The following NUP205 variants were observed in gnomAD, a reference collection of about 807,000 sequenced individuals.
The protein encoded by NUP205 is nucleoporin 205.
In NUP205, 76 loss-of-function variants were observed where a neutral mutation model predicts 253.8. The ratio of observed to expected loss-of-function variants is 0.30; its 90% CI spans 0.25 to 0.36. The LOEUF (loss-of-function observed/expected upper bound fraction) is 0.36, where lower values mean the gene tolerates loss of function less well. Ranked by LOEUF, NUP205 falls within the 10% of genes least tolerant of loss-of-function variation. NUP205 has a pLI of 1.00. For missense variants in NUP205, 2,162 were observed against 2,425.5 expected (o/e 0.89, Z 2.28); for synonymous variants, 832 against 850.1 (o/e 0.98, Z 0.37).
At chr7:135,594,094 A>G (rs1262922870) in intron 12 of NUP205, among the ~76,000 whole-genome samples, 1 of 152,194 alleles carries the variant, frequency 6.6e-6, no homozygotes, top group African/African-American at 2.4e-5. Flanking sequence ...AAATATGTAT[A>G]GTTATTACAT....
At chr7:135,588,755 G>A (rs536909732) in intron 10 of NUP205, among the ~76,000 whole-genome samples, 4 of 151,302 alleles carry the variant, frequency 2.6e-5, no homozygotes, top group African/African-American at 9.7e-5. Context: ...TTCAAGTTTG[G>A]GAGGATAGGA....
intron 36 of NUP205, among the ~76,000 whole-genome samples, chr7:135,636,955 G>A (rs1794821396): frequency 6.6e-6 from 1 of 152,196 alleles, no homozygotes; most frequent in African/African-American, 2.4e-5. Flanking sequence ...GCAGTGAGCT[G>A]AGATCAGACC....
chr7:135,573,243 A>C (rs370245855), intron 2 of NUP205, among the ~76,000 whole-genome samples: 64 of 152,300 alleles, frequency 4.2e-4, no homozygotes, highest in African/African-American at 1.5e-3. Context: ...AGGAAATAAG[A>C]CTACATTTTA....
At chr7:135,610,439 C>G (rs1794199808) in intron 22 of NUP205, among the ~76,000 whole-genome samples, 1 of 152,156 alleles carries the variant, frequency 6.6e-6, no homozygotes, top group Non-Finnish European at 1.5e-5. Context: ...AGGCTGGTCT[C>G]AAACTCCTGA....
intron 1 of NUP205, among the ~76,000 whole-genome samples, chr7:135,567,298 T>G (rs897898407): frequency 6.7e-6 from 1 of 148,322 alleles, no homozygotes; most frequent in African/African-American, 2.5e-5. Context: ...AATTTTTTTT[T>G]CAGGCTGGGT....
intron 37 of NUP205, 89 bp from the exon 38 acceptor site, chr7:135,638,468 G>T: frequency 8.8e-6 from 9 of 1,018,080 alleles, no homozygotes; most frequent in South Asian, 1.4e-5. Context: ...CAAATTGATT[G>T]ATAACCTTTT....
Position 135,600,852 on chromosome 7 carries a change from A to G in NUP205, c.2275-18A>G. 4.0e-6 allele frequency: 6 copies of G among 1,509,492 alleles called. No individual in the cohort carries two copies. The highest frequency in any genetic ancestry group is 2.7e-5 in the African/African-American group (2 of 72,976). 93.5% of individuals were successfully genotyped at this position (1,509,492 alleles called of 1,614,324 possible). A position where few individuals can be genotyped will look rare whatever the true frequency, so the allele number is the denominator to read the frequency against. ...TGGTCTGTTTTATTGTTATTGACCT[A>G]TTTATATCTTTCTATAGTGGGAAGT... On this transcript the variant is annotated intron_variant, in intron 15 of 42. Transcript: ENST00000285968.
chr7:135,567,231 A>G (rs1196313975), intron 1 of NUP205, among the ~76,000 whole-genome samples: 1 of 135,384 alleles, frequency 7.4e-6, no homozygotes, highest in East Asian at 2.2e-4. Flanking sequence ...AAGTATGAAT[A>G]AATAATCCAT....
chr7:135,579,365 T>C (rs1806244376), intron 7 of NUP205, among the ~76,000 whole-genome samples: 1 of 151,930 alleles, frequency 6.6e-6, no homozygotes, highest in African/African-American at 2.4e-5. Context: ...TGGCTAATTG[T>C]GTATTTTTAG....
At chr7:135,631,585 A>T (rs1794713989) in intron 35 of NUP205, among the ~76,000 whole-genome samples, 1 of 152,060 alleles carries the variant, frequency 6.6e-6, no homozygotes, top group African/African-American at 2.4e-5. Context: ...GTTTTGTAAC[A>T]TTTACATCTG....
chr7:135,634,224 G>A (rs1430022124), intron 35 of NUP205, among the ~76,000 whole-genome samples: 1 of 152,134 alleles, frequency 6.6e-6, no homozygotes, highest in African/African-American at 2.4e-5. Flanking sequence ...ACCATGCCCA[G>A]CTGGCTCACA....
At chr7:135,603,441 C>A (rs578014005) in intron 18 of NUP205, among the ~76,000 whole-genome samples, 1 of 151,468 alleles carries the variant, frequency 6.6e-6, no homozygotes, top group East Asian at 2.0e-4. Flanking sequence ...CTTTAGCTAC[C>A]CTGATTTTAA....
rs186228596 is a variant in NUP205, at chr7:135,590,261, G to A, written c.1474-1189G>A. Among the ~76,000 whole-genome samples the A allele has an allele frequency of 8.7e-3, 1,306 of 150,600 alleles. 56 individuals carry two copies. Among genetic ancestry groups the A allele is most frequent in the African/African-American group, 0.031 (1,262 of 40,926 alleles). On this transcript the variant is annotated intron_variant, in intron 10 of 42. Coordinates refer to ENST00000285968, the MANE Select transcript of NUP205 (RefSeq NM_015135.3). ...CAAGGAGCTGGGATTACAGGCACCCGCCATCATGCCCAGCTAACTTTTGTA... is the reference window on the plus strand; with the variant it reads ...CAAGGAGCTGGGATTACAGGCACCCACCATCATGCCCAGCTAACTTTTGTA...
intron 39 of NUP205, 56 bp downstream of exon 39, chr7:135,643,414 C>T (rs1794951148): frequency 7.2e-7 from 1 of 1,380,934 alleles, no homozygotes; most frequent in Non-Finnish European, 1.0e-6. Flanking sequence ...GTTACTAGGC[C>T]AGGGTACTCA....
intron 22 of NUP205, among the ~76,000 whole-genome samples, chr7:135,610,165 G>A (rs1050528722): frequency 6.6e-6 from 1 of 152,138 alleles, no homozygotes; most frequent in Middle Eastern, 3.2e-3. Flanking sequence ...CACTCTACTA[G>A]CCAAGGAAAA....
intron 21 of NUP205, 27 bp from the exon 22 acceptor site, chr7:135,607,220 G>A: frequency 6.3e-7 from 1 of 1,595,160 alleles, no homozygotes; most frequent in Non-Finnish European, 8.5e-7. Flanking sequence ...TAAAAGAAAA[G>A]TTGAATTTCT....
At chr7:135,590,645 G>T (rs1806605758) in intron 10 of NUP205, among the ~76,000 whole-genome samples, 2 of 150,942 alleles carry the variant, frequency 1.3e-5, no homozygotes, top group Admixed American at 6.6e-5. Context: ...TGATTCTCCT[G>T]CCTCAGCCTT....
intron 13 of NUP205, among the ~76,000 whole-genome samples, chr7:135,595,709 T>A (rs1417403685): frequency 6.6e-6 from 1 of 152,110 alleles, no homozygotes; most frequent in East Asian, 1.9e-4. Flanking sequence ...ATGTTTGAAG[T>A]CTCAATAACT....
intron 13 of NUP205, among the ~76,000 whole-genome samples, chr7:135,595,559 T>A (rs947772463): frequency 1.3e-5 from 2 of 152,084 alleles, no homozygotes; most frequent in Non-Finnish European, 2.9e-5. Context: ...GAATACTTTT[T>A]ATTGGTGGTT....
Sources: allele counts gnomAD v4.1 joint callset (sites outside exome capture counted in the v4.1 genomes callset), GRCh38; gene constraint gnomAD v4.1.1; transcripts MANE v1.5; gene names NCBI Gene and HGNC (gene_info 2026-07-23, HGNC 2026-07-21).